Variants in MEGF11 observed in about 807,000 individuals in gnomAD.
MEGF11 encodes multiple epidermal growth factor-like domains protein 11.
In MEGF11, 126 loss-of-function variants were observed where a neutral mutation model predicts 146.6. The ratio of observed to expected loss-of-function variants is 0.86; its 90% CI spans 0.74 to 1.00. MEGF11 has a LOEUF of 1.00. MEGF11 is among the 50% of genes least tolerant of loss of function. MEGF11 has a pLI of 0.00. For missense variants in MEGF11, 1,509 were observed against 1,521.2 expected (o/e 0.99, Z 0.13); for synonymous variants, 532 against 583.4 (o/e 0.91, Z 1.27).
chr15:66,171,684 A>G (rs960972870), intron 1 of MEGF11, among the ~76,000 whole-genome samples: 3 of 150,044 alleles, frequency 2.0e-5, no homozygotes, highest in Non-Finnish European at 4.4e-5. Context: ...GCCGATCTGC[A>G]AGAACCCCCA....
At chr15:66,056,145 T>C (rs1316923987) in intron 5 of MEGF11, among the ~76,000 whole-genome samples, 1 of 152,102 alleles carries the variant, frequency 6.6e-6, no homozygotes, top group Non-Finnish European at 1.5e-5. Flanking sequence ...AGGTGACTGA[T>C]GGGTGCATTC....
intron 5 of MEGF11, among the ~76,000 whole-genome samples, chr15:66,028,563 C>T (rs185623722): frequency 1.8e-3 from 270 of 152,276 alleles, no homozygotes; most frequent in African/African-American, 6.0e-3. Flanking sequence ...CAATGGAAAT[C>T]ATTCAAAAGA....
chr15:66,189,778 A>G (rs911734089), intron 1 of MEGF11, among the ~76,000 whole-genome samples: 6 of 152,308 alleles, frequency 3.9e-5, no homozygotes, highest in South Asian at 2.1e-4. Flanking sequence ...CCTGGCACTT[A>G]GTAGTTGCTC....
intron 3 of MEGF11, among the ~76,000 whole-genome samples, chr15:66,121,486 C>A (rs908294653): frequency 6.6e-6 from 1 of 152,188 alleles, no homozygotes; most frequent in African/African-American, 2.4e-5. Context: ...TACCTGAAGG[C>A]ACTTGAGGGA....
chr15:65,929,594 A>C, intron 12 of MEGF11, 126 bp downstream of exon 12: 1 of 1,181,806 alleles, frequency 8.5e-7, no homozygotes, highest in South Asian at 1.6e-5. Context: ...ACTGTGACCT[A>C]AATCCAAGTG....
intron 4 of MEGF11, among the ~76,000 whole-genome samples, chr15:66,109,022 C>T (rs753424326): frequency 1.3e-5 from 2 of 152,196 alleles, no homozygotes; most frequent in Admixed American, 6.5e-5. Context: ...GATTAAGAAG[C>T]GATGCCTCAA....
At chr15:66,077,319 T>C (rs980759362) in intron 5 of MEGF11, among the ~76,000 whole-genome samples, 2 of 152,188 alleles carry the variant, frequency 1.3e-5, no homozygotes, top group Non-Finnish European at 2.9e-5. Flanking sequence ...GCTTCTACCA[T>C]ATTTTTAGCA....
At chr15:65,953,692 C>T (rs2080480618) in intron 10 of MEGF11, among the ~76,000 whole-genome samples, 1 of 152,150 alleles carries the variant, frequency 6.6e-6, no homozygotes, top group Admixed American at 6.5e-5. Context: ...CAGTATTTCA[C>T]ATTTCAGTGA....
intron 5 of MEGF11, among the ~76,000 whole-genome samples, chr15:66,090,317 G>A (rs2086271391): frequency 6.6e-6 from 1 of 152,178 alleles, no homozygotes; most frequent in Non-Finnish European, 1.5e-5. Flanking sequence ...AAGAAATTGG[G>A]ACAAGTGGGC....
intron 15 of MEGF11, among the ~76,000 whole-genome samples, chr15:65,921,252 A>G (rs867141481): frequency 1.3e-5 from 2 of 152,226 alleles, no homozygotes; most frequent in Middle Eastern, 3.4e-3. Context: ...TGCATAGATG[A>G]CCTTGAAGTT....
chr15:65,932,150 C>T (rs1363451187), intron 10 of MEGF11, among the ~76,000 whole-genome samples: 2 of 152,202 alleles, frequency 1.3e-5, no homozygotes, highest in African/African-American at 2.4e-5. Context: ...ACAGTAACTT[C>T]TGCTGATCTG....
chr15:66,122,589 C>T (rs985714189), intron 3 of MEGF11, among the ~76,000 whole-genome samples: 8 of 152,218 alleles, frequency 5.3e-5, no homozygotes, highest in Admixed American at 2.0e-4. Flanking sequence ...CCTGGGGTCT[C>T]TCCCTTACTA....
chr15:66,130,409 C>G (rs1260060900), intron 1 of MEGF11, among the ~76,000 whole-genome samples: 1 of 152,158 alleles, frequency 6.6e-6, no homozygotes, highest in African/African-American at 2.4e-5. Flanking sequence ...CTCCTATAAT[C>G]TCCAGCATTC....
chr15:66,163,848 A>G lies in MEGF11; in HGVS notation c.-8-35437T>C, dbSNP rs148236916. Among the ~76,000 whole-genome samples, 10 of 152,304 alleles carry G rather than the reference A, an allele frequency of 6.6e-5. No homozygotes were observed. In the East Asian group the frequency reaches 1.5e-3, roughly 24 times the overall value. On this transcript the variant is annotated intron_variant, in intron 1 of 25. Transcript: ENST00000395614. Reference sequence around the variant, plus strand: ...GGCCTCACCTATAAATCCTCCCCGCATGCACACGAGGCACAGATGCGTCAT... The same window carrying G: ...GGCCTCACCTATAAATCCTCCCCGCGTGCACACGAGGCACAGATGCGTCAT...
Position 66,019,627 on chromosome 15 carries a change from G to A in MEGF11, c.395-37139C>T, listed in dbSNP as rs549959923. Among the ~76,000 whole-genome samples, 5 of 152,342 alleles carry A rather than the reference G, an allele frequency of 3.3e-5. No homozygotes were observed. In the East Asian group the frequency reaches 9.6e-4, roughly 29 times the overall value. On this transcript the variant is annotated intron_variant, in intron 5 of 25. Coordinates refer to ENST00000395614, the MANE Select transcript of MEGF11 (RefSeq NM_001385028.1). ...AGCAGCAGACCGGCTCCTCCAGGGG[G>A]CCTGGCGCTGTTTCCGGAATGCTGC... is the stretch of plus-strand genomic sequence containing the variant.
intron 5 of MEGF11, among the ~76,000 whole-genome samples, chr15:66,055,475 A>C (rs1232320305): frequency 4.6e-5 from 7 of 152,236 alleles, no homozygotes; most frequent in Non-Finnish European, 7.3e-5. Flanking sequence ...ACATAATTGC[A>C]CGAGGGTGCC....
Position 65,897,178 on chromosome 15 carries a change from T to A in MEGF11, c.*756A>T, listed in dbSNP as rs1458464069. The A allele has an allele frequency of 3.3e-5, 5 of 152,242 alleles. No homozygotes were observed. Among genetic ancestry groups the A allele is most frequent in the Non-Finnish European group, 7.3e-5 (5 of 68,038 alleles). The allele number at this position is 152,242 out of a possible 1,614,324, so 9.4% of individuals were successfully genotyped here. On this transcript the variant is annotated 3_prime_UTR_variant, in exon 26 of 26. Transcript: ENST00000395614. Reference sequence around the variant, plus strand: ...ATATGACAAAGCCAGGACTAACTTGTAATGTCCTTGAACTTTGAATTGGCA... The same window carrying A: ...ATATGACAAAGCCAGGACTAACTTGAAATGTCCTTGAACTTTGAATTGGCA...
At chr15:66,115,330 C>T (rs1336779171) in intron 4 of MEGF11, among the ~76,000 whole-genome samples, 1 of 152,220 alleles carries the variant, frequency 6.6e-6, no homozygotes, top group African/African-American at 2.4e-5. Flanking sequence ...CCCATCTGTC[C>T]CCCAGTGCCC....
At chr15:66,030,734 T>G (rs1266190576) in intron 5 of MEGF11, among the ~76,000 whole-genome samples, 1 of 152,126 alleles carries the variant, frequency 6.6e-6, no homozygotes, top group Non-Finnish European at 1.5e-5. Flanking sequence ...CATACAGGCT[T>G]TGGAGCCCCT....
Sources: allele counts gnomAD v4.1 joint callset (sites outside exome capture counted in the v4.1 genomes callset), GRCh38; gene constraint gnomAD v4.1.1; transcripts MANE v1.5; gene names NCBI Gene and HGNC (gene_info 2026-07-23, HGNC 2026-07-21).